Variants in KCNQ3 observed in about 807,000 individuals in gnomAD.
The protein encoded by KCNQ3 is potassium voltage-gated channel subfamily Q member 3, also known as potassium voltage-gated channel subfamily KQT member 3.
In KCNQ3, 30 loss-of-function variants were observed where a neutral mutation model predicts 92.5. The observed-to-expected ratio is 0.32, with a 90% CI of 0.24 to 0.44. The LOEUF (loss-of-function observed/expected upper bound fraction) is 0.44. Among genes scored for constraint, KCNQ3 ranks in the 20% least tolerant of loss-of-function variants. The pLI is 1.00. For missense variants in KCNQ3, 913 were observed against 1,140.3 expected, an observed-to-expected ratio of 0.80 and a Z score of 2.87; for synonymous variants, 450 against 468.8, an observed-to-expected ratio of 0.96 and a Z score of 0.52.
At chr8:132,431,692 A>G (rs1821256397) in intron 1 of KCNQ3, among the ~76,000 whole-genome samples, 1 of 152,226 alleles carries the variant, frequency 6.6e-6, no homozygotes, top group African/African-American at 2.4e-5. Context: ...AGAAATAAAC[A>G]GTGCTTTCAG....
chr8:132,424,700 G>T (rs1821063406), intron 1 of KCNQ3, among the ~76,000 whole-genome samples: 1 of 152,282 alleles, frequency 6.6e-6, no homozygotes, highest in East Asian at 1.9e-4. Flanking sequence ...ACTCATCAGG[G>T]TATCACTCCC....
intron 1 of KCNQ3, among the ~76,000 whole-genome samples, chr8:132,355,436 C>T (rs565250624): frequency 1.3e-5 from 2 of 152,116 alleles, no homozygotes; most frequent in East Asian, 3.9e-4. Flanking sequence ...CAAGCTGAGC[C>T]AATCAGAATA....
intron 1 of KCNQ3, among the ~76,000 whole-genome samples, chr8:132,417,799 T>C (rs1820857944): frequency 1.3e-5 from 2 of 152,212 alleles, no homozygotes; most frequent in South Asian, 4.1e-4. Context: ...TCCCGGAATA[T>C]ATGCCAAGCC....
chr8:132,474,289 C>T (rs781443233), intron 1 of KCNQ3, among the ~76,000 whole-genome samples: 13 of 152,106 alleles, frequency 8.5e-5, no homozygotes, highest in Non-Finnish European at 1.8e-4. Flanking sequence ...GACTAAAAAC[C>T]ACCCTGTGAT....
At chr8:132,477,308 A>AG (rs1822436295) in intron 1 of KCNQ3, among the ~76,000 whole-genome samples, 1 of 151,442 alleles carries the variant, frequency 6.6e-6, no homozygotes, top group Admixed American at 6.6e-5. Context: ...TTTAGGAAGG[A>AG]GAAAAAAAAT....
intron 1 of KCNQ3, among the ~76,000 whole-genome samples, chr8:132,258,707 A>T (rs1815674935): frequency 6.6e-6 from 1 of 152,026 alleles, no homozygotes; most frequent in African/African-American, 2.4e-5. Context: ...AAATCAATAA[A>T]ACCATAAATT....
intron 1 of KCNQ3, among the ~76,000 whole-genome samples, chr8:132,226,706 T>C (rs1178219621): frequency 6.6e-6 from 1 of 152,162 alleles, no homozygotes; most frequent in Non-Finnish European, 1.5e-5. Context: ...CAAGTGTCAG[T>C]GAGCTCCTGG....
At chr8:132,320,109 T>C (rs1466004971) in intron 1 of KCNQ3, among the ~76,000 whole-genome samples, 4 of 152,256 alleles carry the variant, frequency 2.6e-5, no homozygotes, top group Non-Finnish European at 5.9e-5. Flanking sequence ...ATTTGGAAAG[T>C]AGTTCTTTGG....
chr8:132,297,578 T>C lies in KCNQ3; in HGVS notation c.387-111397A>G, dbSNP rs542413278. Among the ~76,000 whole-genome samples, 5 of 127,184 alleles carry C rather than the reference T, an allele frequency of 3.9e-5. No homozygotes were observed. The South Asian group carries it at 8.1e-4, about 21-fold the overall frequency. 83.4% of individuals were successfully genotyped at this position (127,184 alleles called of 152,430 possible). A position where few individuals can be genotyped will look rare whatever the true frequency, so the allele number is the denominator to read the frequency against. ...ATAAAAACTAACCCTATGTCATAAA[T>C]GTACTCTAAATTATTTTAAATGTAT... On this transcript the variant is annotated intron_variant, in intron 1 of 14. Coordinates refer to ENST00000388996, the MANE Select transcript of KCNQ3 (RefSeq NM_004519.4).
intron 1 of KCNQ3, among the ~76,000 whole-genome samples, chr8:132,461,083 T>C (rs915030412): frequency 1.3e-5 from 2 of 152,246 alleles, no homozygotes; most frequent in African/African-American, 4.8e-5. Context: ...CATTTCTTTT[T>C]ACCACCAAAT....
Position 132,326,320 on chromosome 8 carries a change from T to C in KCNQ3, c.387-140139A>G, listed in dbSNP as rs548353332. ...TCGGGCAGGGTTCCAAGGCCACCAA[T>C]AGCAGGTGGAGATTCTGACTCTTGG... is the stretch of plus-strand genomic sequence containing the variant. On this transcript the variant is annotated intron_variant, in intron 1 of 14. Transcript: ENST00000388996. Among the ~76,000 whole-genome samples the C allele has an allele frequency of 3.3e-5, 5 of 152,282 alleles. No individual in the cohort carries two copies. The South Asian group carries it at 1.0e-3, about 32-fold the overall frequency.
intron 9 of KCNQ3, among the ~76,000 whole-genome samples, chr8:132,153,616 A>C (rs186138032): frequency 8.5e-4 from 130 of 152,256 alleles, no homozygotes; most frequent in African/African-American, 3.0e-3. Context: ...ATGGATAAAA[A>C]CACCCTCTTA....
In KCNQ3 at chr8:132,345,416, C is replaced by T. The variant is rs575098666; in HGVS notation, c.386+134731G>A. Reference sequence around the variant, plus strand: ...ACTGGTAGGTAGTGAGAGCCTACTCCGTGCAAGGCCTGCATGAGGCACTGG... The same window carrying T: ...ACTGGTAGGTAGTGAGAGCCTACTCTGTGCAAGGCCTGCATGAGGCACTGG... On this transcript the variant is annotated intron_variant, in intron 1 of 14. Coordinates refer to ENST00000388996, the MANE Select transcript of KCNQ3 (RefSeq NM_004519.4). Among the ~76,000 whole-genome samples the T allele has an allele frequency of 4.6e-5, 7 of 152,298 alleles. No individual in the cohort carries two copies. The East Asian group carries it at 9.7e-4, about 21-fold the overall frequency.
chr8:132,263,086 G>C (rs1483637353), intron 1 of KCNQ3, among the ~76,000 whole-genome samples: 5 of 151,824 alleles, frequency 3.3e-5, no homozygotes, highest in Non-Finnish European at 7.4e-5. Context: ...CCACTGCTCT[G>C]TAACTGTCTC....
intron 1 of KCNQ3, among the ~76,000 whole-genome samples, chr8:132,220,654 CAGG>C (rs922074044): frequency 6.6e-6 from 1 of 152,014 alleles, no homozygotes; most frequent in African/African-American, 2.4e-5. Context: ...GAGGCTGAGG[CAGG>C]AGAATTGTTT....
chr8:132,165,783 T>G (rs1304171196), intron 8 of KCNQ3, among the ~76,000 whole-genome samples: 1 of 152,250 alleles, frequency 6.6e-6, no homozygotes, highest in Non-Finnish European at 1.5e-5. Context: ...ACTTATCAGC[T>G]GAGCGATATT....
intron 1 of KCNQ3, among the ~76,000 whole-genome samples, chr8:132,402,636 G>A (rs1167786676): frequency 1.3e-5 from 2 of 152,014 alleles, no homozygotes; most frequent in Non-Finnish European, 2.9e-5. Context: ...CTATAATGGT[G>A]GACATATGAC....
chr8:132,158,492 G>C (rs1825877813), intron 9 of KCNQ3, among the ~76,000 whole-genome samples: 2 of 152,132 alleles, frequency 1.3e-5, no homozygotes, highest in Admixed American at 1.3e-4. Flanking sequence ...ACTTCAGCTA[G>C]GTGGGCCAAG....
chr8:132,347,576 A>C (rs1489112032), intron 1 of KCNQ3, among the ~76,000 whole-genome samples: 1 of 152,202 alleles, frequency 6.6e-6, no homozygotes, highest in East Asian at 1.9e-4. Context: ...CCTCAGAGCA[A>C]AGGGCAGCAG....
Sources: allele counts gnomAD v4.1 joint callset (sites outside exome capture counted in the v4.1 genomes callset), GRCh38; gene constraint gnomAD v4.1.1; transcripts MANE v1.5; gene names NCBI Gene and HGNC (gene_info 2026-07-23, HGNC 2026-07-21).